Variants in MAPKBP1 observed in about 807,000 individuals in gnomAD.
MAPKBP1 encodes the protein mitogen-activated protein kinase-binding protein 1.
In MAPKBP1, 71 loss-of-function variants were observed where a neutral mutation model predicts 170.5. That is an observed-to-expected ratio of 0.42 (90% CI 0.34 to 0.51). The LOEUF is 0.51. Among genes scored for constraint, MAPKBP1 ranks in the 20% least tolerant of loss-of-function variants. The pLI is 0.06. For missense variants in MAPKBP1, 1,598 were observed against 1,933.0 expected, an observed-to-expected ratio of 0.83 and a Z score of 3.25; for synonymous variants, 719 against 757.9, an observed-to-expected ratio of 0.95 and a Z score of 0.84.
chr15:41,806,661 C>G (rs1234926978), intron 3 of MAPKBP1, among the ~76,000 whole-genome samples: 1 of 152,330 alleles, frequency 6.6e-6, no homozygotes, highest in African/African-American at 2.4e-5. Flanking sequence ...AGCAGCCGCC[C>G]TGCACCCTCA....
At chr15:41,799,960 G>A in intron 3 of MAPKBP1, 46 bp downstream of exon 3, 1 of 1,521,498 alleles carries the variant, frequency 6.6e-7, no homozygotes, top group Non-Finnish European at 9.1e-7. Flanking sequence ...GGAATTTATA[G>A]CCACGCTAGA....
Position 41,818,243 on chromosome 15 carries a change from A to G in MAPKBP1, c.2030A>G (p.Lys677Arg). 6.2e-7 allele frequency: 1 copy of G among 1,614,112 alleles called. No individual in the cohort carries two copies. Among genetic ancestry groups the G allele is most frequent in the South Asian group, 1.1e-5 (1 of 91,076 alleles). ...GIYIATSCSD[K>R]NLSIFDFSSG... ...TACATTGCCACCAGCTGTTCTGACA[A>G]GAATCTCTCCATTTTTGACTTCTCC... The change falls in exon 18 of 31, where the codon AAG becomes AGG. Residue 677 changes from lysine (K) to arginine (R), a missense_variant. This residue lies in a region of MAPKBP1 where 63 missense variants were observed against 115.2 expected (regional missense o/e 0.55). Transcript: ENST00000457542. The surrounding 1 kb of genome is among the most constrained non-coding windows in gnomAD (Gnocchi z 5.2).
intron 2 of MAPKBP1, among the ~76,000 whole-genome samples, chr15:41,785,647 GTTAA>G (rs1401126430): frequency 6.6e-6 from 1 of 152,070 alleles, no homozygotes; most frequent in African/African-American, 2.4e-5. Context: ...TGTGACGTGT[GTTAA>G]TTAAATAACC....
chr15:41,780,600 C>A (rs2064169778), intron 2 of MAPKBP1, among the ~76,000 whole-genome samples: 1 of 152,192 alleles, frequency 6.6e-6, no homozygotes, highest in South Asian at 2.1e-4. Flanking sequence ...CCAGGCTAAG[C>A]GTCTCCTCTG....
chr15:41,783,399 CAGTT>C (rs2064223845), intron 2 of MAPKBP1, among the ~76,000 whole-genome samples: 3 of 152,148 alleles, frequency 2.0e-5, no homozygotes, highest in African/African-American at 2.4e-5. Flanking sequence ...TGGATGATGA[CAGTT>C]GGTTGATGAG....
rs767687881 is a variant in MAPKBP1, at chr15:41,819,553, G to C, written c.2426-42G>C. 1.3e-4 allele frequency: 190 copies of C among 1,502,770 alleles called. 5 individuals carry two copies. Among genetic ancestry groups the C allele is most frequent in the African/African-American group, 4.2e-4 (30 of 70,798 alleles). 93.1% of individuals were successfully genotyped at this position (1,502,770 alleles called of 1,614,324 possible). On this transcript the variant is annotated intron_variant, in intron 21 of 30. Transcript: ENST00000457542. ...GGGCTCCAGGGTTGGGTGGCGGGGG[G>C]GGGGCAGGAGACACTTCCTCTGACT... is the stretch of plus-strand genomic sequence containing the variant.
In MAPKBP1 at chr15:41,824,032, A is replaced by T. The variant is rs759481859; in HGVS notation, c.4184A>T (p.Lys1395Met). 6.2e-7 allele frequency: 1 copy of T among 1,607,292 alleles called. No individual in the cohort carries two copies. The highest frequency in any genetic ancestry group is 8.5e-7 in the Non-Finnish European group (1 of 1,179,458). Residue 1395 changes from lysine to methionine, a missense_variant, in exon 29 of 31, where the codon AAG becomes ATG. Physicochemically the swap from Lys to Met is moderately conservative, Grantham distance 95 (BLOSUM62 -1). Around this residue, in one of 6 missense-constraint regions of MAPKBP1, gnomAD observed 942 missense variants for 953.2 expected, o/e 0.99. Coordinates refer to ENST00000457542, the MANE Select transcript of MAPKBP1 (RefSeq NM_014994.3). ...ACTCCCAACCCCATGGAATGCACCA[A>T]GCCAGGGGCAGCCCTGAGCCAGGAC... The part of the protein sequence containing the change: ...EKTPNPMECT[K>M]PGAALSQDSE...
rs1418463147 is a variant in MAPKBP1, at chr15:41,818,871, G to A, written c.2205G>A (p.Arg735=). The change falls in exon 20 of 31, where the codon AGG becomes AGA. Residue 735 remains arginine, a synonymous_variant. Transcript: ENST00000457542. The surrounding 1 kb of genome is among the most constrained non-coding windows in gnomAD (Gnocchi z 5.2). ...RLSSEMTISM[R]QRLAELRQRQ... ...GCTCTGAGATGACCATCAGCATGAG[G>A]CAGCGTCTGGCCGAGTTGCGCCAGC... The A allele has an allele frequency of 6.2e-7, 1 of 1,614,228 alleles. No individual in the cohort carries two copies. The highest frequency in any genetic ancestry group is 1.7e-5 in the Admixed American group (1 of 60,028).
Position 41,815,647 on chromosome 15 carries a change from G to A in MAPKBP1, c.1341G>A (p.Val447=), listed in dbSNP as rs1366240124. 6.2e-7 allele frequency: 1 copy of A among 1,613,944 alleles called. No individual in the cohort carries two copies. Among genetic ancestry groups the A allele is most frequent in the Non-Finnish European group, 8.5e-7 (1 of 1,179,872 alleles). ...AGGACCTCATTAAAATCATCTATGT[G>A]GATGGGAACACCCAGGCCCTGCTGG... The part of the protein sequence containing the change: ...LSSDLIKIIY[V]DGNTQALLDT... The change falls in exon 12 of 31, where the codon GTG becomes GTA. Residue 447 remains valine (V), a synonymous_variant. Coordinates refer to ENST00000457542, the MANE Select transcript of MAPKBP1 (RefSeq NM_014994.3).
At chr15:41,802,173 A>T (rs1420963484) in intron 3 of MAPKBP1, among the ~76,000 whole-genome samples, 2 of 152,208 alleles carry the variant, frequency 1.3e-5, no homozygotes, top group African/African-American at 2.4e-5. Context: ...AATATATTTT[A>T]AAAAGGCACA....
Position 41,823,078 on chromosome 15 carries a change from C to T in MAPKBP1, c.3454C>T (p.Pro1152Ser). ...GGAGGTGGAACCGTCCTCTGGCAACCCCAGCCCCCAGCAGGCAGCCTCTGT... is the reference window on the plus strand; with the variant it reads ...GGAGGTGGAACCGTCCTCTGGCAACTCCAGCCCCCAGCAGGCAGCCTCTGT... ...PPEVEPSSGNPSPQQAASVLL... is the reference protein window; with the variant it reads ...PPEVEPSSGNSSPQQAASVLL... The change falls in exon 28 of 31, where the codon CCC (proline) becomes TCC (serine). Residue 1152 changes from proline to serine, a missense_variant. Pro to Ser is a moderately conservative substitution (Grantham distance 74, BLOSUM62 -1). Coordinates refer to ENST00000457542, the MANE Select transcript of MAPKBP1 (RefSeq NM_014994.3). The T allele has an allele frequency of 6.2e-7, 1 of 1,613,892 alleles. No homozygotes were observed. Among genetic ancestry groups the T allele is most frequent in the Non-Finnish European group, 8.5e-7 (1 of 1,179,976 alleles).
At chr15:41,807,988 G>A (rs1381475738) in intron 3 of MAPKBP1, among the ~76,000 whole-genome samples, 8 of 150,158 alleles carry the variant, frequency 5.3e-5, no homozygotes, top group South Asian at 2.1e-4. Context: ...GCAGTGAGCC[G>A]AGATCACGCC....
rs1409442883 is a variant in MAPKBP1, at chr15:41,817,900, G to A, written c.1905-109G>A. The A allele has an allele frequency of 6.6e-7, 1 of 1,519,850 alleles. No homozygotes were observed. The highest frequency in any genetic ancestry group is 1.7e-5 in the Admixed American group (1 of 59,312). The allele number at this position is 1,519,850 out of a possible 1,614,324, so 94.1% of individuals were successfully genotyped here. A position where few individuals can be genotyped will look rare whatever the true frequency, so the allele number is the denominator to read the frequency against. On this transcript the variant is annotated intron_variant, in intron 16 of 30. Coordinates refer to ENST00000457542, the MANE Select transcript of MAPKBP1 (RefSeq NM_014994.3). This position sits in a 1 kb window ranked among gnomAD's most constrained non-coding sequence, Gnocchi z 4.2. ...GAGGTGGTAGCCTGTTTGCTGCTGG[G>A]GGTAGCTCCCAGAGAGTGTAGACTG... is the stretch of plus-strand genomic sequence containing the variant.
Position 41,822,644 on chromosome 15 carries a change from G to C in MAPKBP1, c.3281G>C (p.Arg1094Pro). 6.2e-7 allele frequency: 1 copy of C among 1,614,068 alleles called. No homozygotes were observed. The highest frequency in any genetic ancestry group is 8.5e-7 in the Non-Finnish European group (1 of 1,179,970). Reference protein sequence around the residue: ...ERSESRSISSRFLLQVQTRPL... With the variant: ...ERSESRSISSPFLLQVQTRPL... The stretch of plus-strand genomic sequence containing the variant: ...TCAGAGTCTCGGAGTATCTCTTCAC[G>C]ATTCCTGTTGCAAGTACAGACCCGC... Residue 1094 changes from arginine (R) to proline (P), a missense_variant, in exon 27 of 31, where the codon CGA becomes CCA. Physicochemically the swap from Arg to Pro is moderately radical, Grantham distance 103. Coordinates refer to ENST00000457542, the MANE Select transcript of MAPKBP1 (RefSeq NM_014994.3).
At chr15:41,800,579 C>T (rs1332980354) in intron 3 of MAPKBP1, among the ~76,000 whole-genome samples, 1 of 152,216 alleles carries the variant, frequency 6.6e-6, no homozygotes, top group Non-Finnish European at 1.5e-5. Context: ...AAGCCATCCA[C>T]CTGCCTCAGC....
Position 41,814,725 on chromosome 15 carries a change from G to C in MAPKBP1, c.1156G>C (p.Val386Leu). 1 of 1,614,164 alleles carries C rather than the reference G, an allele frequency of 6.2e-7. No individual in the cohort carries two copies. The highest frequency in any genetic ancestry group is 8.5e-7 in the Non-Finnish European group (1 of 1,180,014). ...VYSALYHSSCVWSVEVYPEVK... is the reference protein window; with the variant it reads ...VYSALYHSSCLWSVEVYPEVK... ...CTCGGCTCTGTATCATTCTTCCTGC[G>C]TCTGGAGTGTGGAGGTATGTGGGCT... Residue 386 changes from valine (V) to leucine (L), a missense_variant, in exon 10 of 31, where the codon GTC (valine) becomes CTC (leucine). Val to Leu is a conservative substitution (Grantham distance 32, BLOSUM62 1). Around this residue, in one of 6 missense-constraint regions of MAPKBP1, gnomAD observed 430 missense variants for 617.2 expected, o/e 0.70. Coordinates refer to ENST00000457542, the MANE Select transcript of MAPKBP1 (RefSeq NM_014994.3).
chr15:41,774,820 G>A, intron 1 of MAPKBP1: 1 of 401,826 alleles, frequency 2.5e-6, no homozygotes. Flanking sequence ...CCAGGCCTGC[G>A]GAAATCCCTG....
At chr15:41,821,884 C>T in intron 24 of MAPKBP1, 81 bp from the exon 25 acceptor site, 1 of 1,573,178 alleles carries the variant, frequency 6.4e-7, no homozygotes, top group Non-Finnish European at 8.7e-7. Flanking sequence ...ATCCCTCACC[C>T]TGATCACAGG....
chr15:41,811,907 A>G, intron 5 of MAPKBP1, 50 bp from the exon 6 acceptor site: 1 of 1,599,768 alleles, frequency 6.3e-7, no homozygotes, highest in Non-Finnish European at 8.6e-7. Flanking sequence ...GTGGGGCTGT[A>G]TGCCTGTGGA....
Sources: allele counts gnomAD v4.1 joint callset (sites outside exome capture counted in the v4.1 genomes callset), GRCh38; gene constraint gnomAD v4.1.1; regional missense constraint gnomAD v4.1.1; non-coding constraint Gnocchi (gnomAD v3.1); transcripts MANE v1.5; gene names NCBI Gene and HGNC (gene_info 2026-07-23, HGNC 2026-07-21).